SPIRE1: variants seen among roughly 807,000 people sequenced by gnomAD.
SPIRE1 encodes the protein spire type actin nucleation factor 1.
A neutral mutation model predicts 94.1 loss-of-function variants in SPIRE1; 40 were observed. The observed-to-expected ratio is 0.43, with a 90% CI of 0.33 to 0.55. The LOEUF is 0.55. Among genes scored for constraint, SPIRE1 ranks in the 20% least tolerant of loss-of-function variants. The pLI, the probability that SPIRE1 is intolerant of heterozygous loss-of-function variation, is 0.06. For missense variants in SPIRE1, 838 were observed against 975.2 expected (o/e 0.86, Z 1.87); for synonymous variants, 376 against 371.7 (o/e 1.01, Z -0.13).
At chr18:12,524,759 A>C (rs766306360) in intron 4 of SPIRE1, among the ~76,000 whole-genome samples, 1 of 152,090 alleles carries the variant, frequency 6.6e-6, no homozygotes, top group Admixed American at 6.6e-5. Flanking sequence ...GGATCACTTG[A>C]GGCCAGGAGT....
chr18:12,576,674 G>A (rs1253507413), intron 2 of SPIRE1, among the ~76,000 whole-genome samples: 1 of 151,232 alleles, frequency 6.6e-6, no homozygotes, highest in Admixed American at 6.6e-5. Flanking sequence ...CAGATCACGA[G>A]GTCAGGAGAT....
chr18:12,599,278 CAG>C (rs1376333690), intron 2 of SPIRE1, among the ~76,000 whole-genome samples: 1 of 152,082 alleles, frequency 6.6e-6, no homozygotes, highest in African/African-American at 2.4e-5. Flanking sequence ...TTTTTTGAGA[CAG>C]AGTCTCATTC....
At chr18:12,488,286 T>A (rs1568203104) in intron 8 of SPIRE1, among the ~76,000 whole-genome samples, 1 of 152,228 alleles carries the variant, frequency 6.6e-6, no homozygotes. Flanking sequence ...AGTTGGCCCC[T>A]TGGTGAAACT....
intron 1 of SPIRE1, among the ~76,000 whole-genome samples, chr18:12,646,500 G>A (rs1016116558): frequency 1.3e-5 from 2 of 152,036 alleles, no homozygotes; most frequent in African/African-American, 4.8e-5. Context: ...TCAGGTAATG[G>A]GAATATCGCT....
chr18:12,541,923 A>C (rs1311751200), intron 3 of SPIRE1, among the ~76,000 whole-genome samples: 1 of 152,002 alleles, frequency 6.6e-6, no homozygotes, highest in Non-Finnish European at 1.5e-5. Context: ...CAATACAATA[A>C]TATATATTAT....
intron 1 of SPIRE1, among the ~76,000 whole-genome samples, chr18:12,655,347 G>C (rs1246850081): frequency 1.3e-5 from 2 of 152,198 alleles, no homozygotes; most frequent in Non-Finnish European, 2.9e-5. Context: ...TTCATCAAGT[G>C]TAAGAATCAA....
At chr18:12,600,489 C>A (rs2036802050) in intron 2 of SPIRE1, among the ~76,000 whole-genome samples, 1 of 151,752 alleles carries the variant, frequency 6.6e-6, no homozygotes, top group Admixed American at 6.6e-5. Flanking sequence ...TATCATGGTC[C>A]TCATCAAACC....
chr18:12,519,355 C>T (rs181969717), intron 4 of SPIRE1, among the ~76,000 whole-genome samples: 213 of 152,102 alleles, frequency 1.4e-3, no homozygotes, highest in Non-Finnish European at 2.5e-3. Context: ...CACACACGCA[C>T]GCACACACAC....
intron 4 of SPIRE1, among the ~76,000 whole-genome samples, chr18:12,527,451 A>G (rs941476234): frequency 1.3e-5 from 2 of 152,210 alleles, no homozygotes; most frequent in African/African-American, 4.8e-5. Context: ...TTTATATATA[A>G]GGATAGGCCT....
chr18:12,635,947 G>C (rs1302846801), intron 1 of SPIRE1, among the ~76,000 whole-genome samples: 1 of 151,168 alleles, frequency 6.6e-6, no homozygotes, highest in South Asian at 2.1e-4. Context: ...GGAGTGCAGT[G>C]GTGTGATTTT....
At chr18:12,471,221 G>A (rs1305782708) in intron 10 of SPIRE1, among the ~76,000 whole-genome samples, 2 of 152,128 alleles carry the variant, frequency 1.3e-5, no homozygotes, top group South Asian at 2.1e-4. Flanking sequence ...AAGAAGGTCT[G>A]GGTGTGGGGG....
At chr18:12,526,326 A>G (rs1451611719) in intron 4 of SPIRE1, among the ~76,000 whole-genome samples, 1 of 152,134 alleles carries the variant, frequency 6.6e-6, no homozygotes, top group African/African-American at 2.4e-5. Flanking sequence ...CACATTTTCC[A>G]TCCACTATTT....
At chr18:12,564,920 G>A (rs1486284189) in intron 2 of SPIRE1, among the ~76,000 whole-genome samples, 7 of 152,188 alleles carry the variant, frequency 4.6e-5, no homozygotes, top group African/African-American at 1.7e-4. Context: ...TCTAAGGACT[G>A]TGGGACAACT....
chr18:12,476,262 G>A lies in SPIRE1; in HGVS notation c.1404+3437C>T, dbSNP rs536049251. ...GAATACATTTAGAAGTTTTCAGCTG[G>A]GCGTGGTGGCTCACGCCTGTAATCC... On this transcript the variant is annotated intron_variant, in intron 10 of 16. Coordinates refer to ENST00000409402, the MANE Select transcript of SPIRE1 (RefSeq NM_001128626.2). 1.1e-3 allele frequency among the ~76,000 whole-genome samples: 169 copies of A among 152,032 alleles called. 1 individual carries two copies. The highest frequency in any genetic ancestry group is 2.2e-3 in the Non-Finnish European group (150 of 67,986).
intron 1 of SPIRE1, among the ~76,000 whole-genome samples, chr18:12,651,507 C>T (rs1178340278): frequency 6.6e-6 from 1 of 151,960 alleles, no homozygotes; most frequent in Non-Finnish European, 1.5e-5. Flanking sequence ...AAACCCGTGT[C>T]TACTAAAAAT....
At chr18:12,655,944 G>A (rs2038527175) in intron 1 of SPIRE1, among the ~76,000 whole-genome samples, 1 of 152,100 alleles carries the variant, frequency 6.6e-6, no homozygotes, top group African/African-American at 2.4e-5. Flanking sequence ...TGTCACCCAG[G>A]CTGGAGTGCA....
At chr18:12,508,382 T>A (rs1785668) in intron 5 of SPIRE1, among the ~76,000 whole-genome samples, 9,719 of 152,224 alleles carry the variant, frequency 0.064, 450 homozygotes, top group African/African-American at 0.12. Context: ...AAAAAGGATT[T>A]GAGGTACTTA....
chr18:12,556,558 C>T lies in SPIRE1; in HGVS notation c.373-9654G>A, dbSNP rs148485612. On this transcript the variant is annotated intron_variant, in intron 2 of 16. Transcript: ENST00000409402. ...GTGCCTTCAGATGTTCAGATGCGTC[C>T]GGAGTTTCTTCCTTCTGGTGGGTTC... Among the ~76,000 whole-genome samples the T allele has an allele frequency of 4.5e-3, 686 of 152,264 alleles. 4 individuals carry two copies. The highest frequency in any genetic ancestry group is 8.6e-3 in the Admixed American group (132 of 15,292).
At position 12,481,971 on chromosome 18, in the gene SPIRE1, G is replaced by A. The variant is rs1014783388; in HGVS notation, c.1232-2100C>T. 3.9e-5 allele frequency among the ~76,000 whole-genome samples: 6 copies of A among 151,926 alleles called. No homozygotes were observed. In the East Asian group the frequency reaches 7.7e-4, roughly 20 times the overall value. On this transcript the variant is annotated intron_variant, in intron 9 of 16. Coordinates refer to ENST00000409402, the MANE Select transcript of SPIRE1 (RefSeq NM_001128626.2). ...CCACGTTCTCACAGAGGCTCCCACC[G>A]CTGACCTGGCAGCAGGTCACTTTCT...
Sources: allele counts gnomAD v4.1 joint callset (sites outside exome capture counted in the v4.1 genomes callset), GRCh38; gene constraint gnomAD v4.1.1; transcripts MANE v1.5; gene names NCBI Gene and HGNC (gene_info 2026-07-23, HGNC 2026-07-21).